The following PEX2 variants were observed in gnomAD, a reference collection of about 807,000 sequenced individuals.
PEX2 encodes peroxisomal biogenesis factor 2.
PEX2 carries 19 observed loss-of-function variants against 25.2 expected under a neutral mutation model. The ratio of observed to expected loss-of-function variants is 0.75; its 90% CI spans 0.53 to 1.10. The LOEUF (loss-of-function observed/expected upper bound fraction) is 1.10. Among genes scored for constraint, PEX2 ranks in the 50% least tolerant of loss-of-function variants. The probability of loss-of-function intolerance (pLI) is 0.00; values close to 1 mark genes in which losing one functional copy is unlikely to be tolerated. For synonymous variants in PEX2, 141 were observed against 127.7 expected (o/e 1.10, Z -0.70); for missense variants, 347 against 350.6 (o/e 0.99, Z 0.08).
upstream of PEX2, chr8:77,000,121 A>C: frequency 2.8e-6 from 1 of 355,674 alleles, no homozygotes; most frequent in Non-Finnish European, 5.5e-6. Flanking sequence ...GCGACGCAGG[A>C]GCCGGAAGTG....
chr8:76,989,804 T>A (rs1464891368), intron 1 of PEX2, among the ~76,000 whole-genome samples: 1 of 152,110 alleles, frequency 6.6e-6, no homozygotes, highest in Non-Finnish European at 1.5e-5. Flanking sequence ...ACAGGCAGAG[T>A]AGTTCTAGCA....
At chr8:76,989,645 T>C (rs560259936) in intron 1 of PEX2, among the ~76,000 whole-genome samples, 22 of 152,358 alleles carry the variant, frequency 1.4e-4, no homozygotes, top group Admixed American at 1.1e-3. Context: ...GTCAGAGCTC[T>C]TGGGTGACTA....
At position 76,981,404 on chromosome 8, in the gene PEX2, G is replaced by A. The variant is rs192435069; in HGVS notation, c.*1857C>T. The A allele has an allele frequency of 2.6e-5, 4 of 152,310 alleles. No homozygotes were observed. Among genetic ancestry groups the A allele is most frequent in the East Asian group, 1.9e-4 (1 of 5,172 alleles). 9.4% of individuals were successfully genotyped at this position (152,310 alleles called of 1,614,324 possible). A position where few individuals can be genotyped will look rare whatever the true frequency, so the allele number is the denominator to read the frequency against. On this transcript the variant is annotated 3_prime_UTR_variant, in exon 4 of 4. Coordinates refer to ENST00000357039, the MANE Select transcript of PEX2 (RefSeq NM_000318.3). ...TTGAGCCCTGGGAGGGAAAGGCTGC[G>A]GTTAGCCATGATCACACCACTGCAC...
intron 1 of PEX2, among the ~76,000 whole-genome samples, chr8:76,989,143 T>A (rs1403231130): frequency 2.0e-5 from 3 of 151,918 alleles, no homozygotes. Flanking sequence ...TGTGCTGTTG[T>A]TCACCAGCCT....
chr8:76,983,013 C>T lies in PEX2; in HGVS notation c.*248G>A, dbSNP rs531490407. 10 of 1,045,548 alleles carry T rather than the reference C, an allele frequency of 9.6e-6. No individual in the cohort carries two copies. Among genetic ancestry groups the T allele is most frequent in the East Asian group, 9.4e-5 (3 of 32,002 alleles). The allele number at this position is 1,045,548 out of a possible 1,614,324, so 64.8% of individuals were successfully genotyped here. Reference sequence around the variant, plus strand: ...ATTGTTAGTAGTCACCTGACAAAAGCTGTCCATTATTCTTGACATTAAAAA... The same window carrying T: ...ATTGTTAGTAGTCACCTGACAAAAGTTGTCCATTATTCTTGACATTAAAAA... On this transcript the variant is annotated 3_prime_UTR_variant, in exon 4 of 4. Coordinates refer to ENST00000357039, the MANE Select transcript of PEX2 (RefSeq NM_000318.3).
At chr8:76,984,266 T>A in intron 3 of PEX2, 71 bp from the exon 4 acceptor site, 2 of 1,252,380 alleles carry the variant, frequency 1.6e-6, no homozygotes, top group Non-Finnish European at 2.3e-6. Flanking sequence ...AACTTATGCC[T>A]GGAAACTGTC....
rs148972539 is a variant in PEX2 at position 76,983,713 on chromosome 8, T to C, written c.466A>G (p.Ile156Val). The C allele has an allele frequency of 4.2e-5, 68 of 1,613,826 alleles. No homozygotes were observed. Among genetic ancestry groups the C allele is most frequent in the Middle Eastern group, 1.6e-4 (1 of 6,084 alleles). The change falls in exon 4 of 4, where the codon ATT becomes GTT. Residue 156 changes from isoleucine (I) to valine (V), a missense_variant. Ile to Val is a conservative substitution (Grantham distance 29, BLOSUM62 3). Transcript: ENST00000357039. ...LKLGGLINFL[I>V]FLQRGKFATL... ...GCAAACTTTCCCCTCTGAAGGAAAA[T>C]CAAAAAATTAATCAGCCCACCTAAT... is the stretch of plus-strand genomic sequence containing the variant.
At chr8:76,984,456 CAACAA>C (rs1316198229) in intron 3 of PEX2, among the ~76,000 whole-genome samples, 2 of 151,850 alleles carry the variant, frequency 1.3e-5, no homozygotes, top group Non-Finnish European at 2.9e-5. Context: ...AAAGAAATAA[CAACAA>C]AACAAAACAA....
At position 76,983,158 on chromosome 8, in the gene PEX2, G is replaced by C. The variant is rs529963492; in HGVS notation, c.*103C>G. The C allele has an allele frequency of 1.1e-3, 1,772 of 1,590,512 alleles. 30 individuals are homozygous for C. In the South Asian group the frequency reaches 0.018, roughly 16 times the overall value. On this transcript the variant is annotated 3_prime_UTR_variant, in exon 4 of 4. Transcript: ENST00000357039. ...GGAAAGGAGAAGACAGTGGCTAGGAGCACATTCCTTATAAAGGATACATAA... is the reference window on the plus strand; with the variant it reads ...GGAAAGGAGAAGACAGTGGCTAGGACCACATTCCTTATAAAGGATACATAA...
intron 1 of PEX2, among the ~76,000 whole-genome samples, chr8:76,989,933 C>T (rs147821889): frequency 1.2e-3 from 178 of 152,314 alleles, no homozygotes; most frequent in Middle Eastern, 3.4e-3. Flanking sequence ...AGCTCTGAAG[C>T]CACATATTGG....
chr8:76,992,107 G>T (rs1384843668), intron 1 of PEX2, among the ~76,000 whole-genome samples: 1 of 152,076 alleles, frequency 6.6e-6, no homozygotes, highest in African/African-American at 2.4e-5. Context: ...ACGTGGGAGG[G>T]GCCAGGCAGG....
intron 1 of PEX2, among the ~76,000 whole-genome samples, chr8:76,995,803 G>T (rs757443272): frequency 6.6e-6 from 1 of 152,142 alleles, no homozygotes; most frequent in Non-Finnish European, 1.5e-5. Context: ...GAGTATTGGG[G>T]AAAGCAGAGT....
At chr8:76,994,904 CCTA>C (rs1322332811) in intron 1 of PEX2, among the ~76,000 whole-genome samples, 2 of 152,116 alleles carry the variant, frequency 1.3e-5, no homozygotes, top group African/African-American at 4.8e-5. Flanking sequence ...GAACCTATAA[CCTA>C]CTATTTTATT....
chr8:76,983,201 A>C lies in PEX2; in HGVS notation c.*60T>G. 1 of 1,600,994 alleles carries C rather than the reference A, an allele frequency of 6.2e-7. No homozygotes were observed. Among genetic ancestry groups the C allele is most frequent in the Non-Finnish European group, 8.5e-7 (1 of 1,179,652 alleles). On this transcript the variant is annotated 3_prime_UTR_variant, in exon 4 of 4. Coordinates refer to ENST00000357039, the MANE Select transcript of PEX2 (RefSeq NM_000318.3). ...ATACATAAATGGTATACTTAGGATG[A>C]CTAATATTAAGAATTTAAACACGGT... is the stretch of plus-strand genomic sequence containing the variant.
At chr8:76,989,296 T>C (rs578197518) in intron 1 of PEX2, among the ~76,000 whole-genome samples, 6 of 152,190 alleles carry the variant, frequency 3.9e-5, no homozygotes, top group Non-Finnish European at 7.3e-5. Context: ...ACTATTTCTA[T>C]CACATCTGTA....
At chr8:76,998,591 G>A (rs76173815) in intron 1 of PEX2, among the ~76,000 whole-genome samples, 1 of 152,156 alleles carries the variant, frequency 6.6e-6, no homozygotes, top group African/African-American at 2.4e-5. Flanking sequence ...CCAAAAACCA[G>A]AATTTTAATG....
chr8:76,984,522 G>C (rs1230722206), intron 3 of PEX2, among the ~76,000 whole-genome samples: 2 of 152,090 alleles, frequency 1.3e-5, no homozygotes, highest in Non-Finnish European at 1.5e-5. Context: ...TCTTTGGTCA[G>C]ATATTCTAGC....
rs745356886 is a variant in PEX2, at chr8:76,983,742, A to G, written c.437T>C (p.Leu146Ser). 2.7e-5 allele frequency: 44 copies of G among 1,613,940 alleles called. No individual in the cohort carries two copies. Among genetic ancestry groups the G allele is most frequent in the Non-Finnish European group, 3.6e-5 (42 of 1,180,038 alleles). Residue 146 changes from leucine to serine, a missense_variant, in exon 4 of 4, where the codon TTG becomes TCG. Coordinates refer to ENST00000357039, the MANE Select transcript of PEX2 (RefSeq NM_000318.3). ...KQCVNFVIGL[L>S]KLGGLINFLI... ...AAAATTAATCAGCCCACCTAATTTC[A>G]AAAGTCCAATCACAAAATTCACACA...
rs753445503 is a variant in PEX2 at position 76,982,810 on chromosome 8, GA to G, written c.*450del. The G allele has an allele frequency of 0.027, 4,073 of 150,706 alleles. No individual in the cohort carries two copies. Among genetic ancestry groups the G allele is most frequent in the South Asian group, 0.071 (488 of 6,884 alleles). 9.3% of individuals were successfully genotyped at this position (150,706 alleles called of 1,614,324 possible). A position where few individuals can be genotyped will look rare whatever the true frequency, so the allele number is the denominator to read the frequency against. On this transcript the variant is annotated 3_prime_UTR_variant, in exon 4 of 4. Transcript: ENST00000357039. ...GGTGACAGAGCAGGACACCGTCTCA[GA>G]AAAAAAAAAAAAAGTTACAACTGAG...
Sources: gnomAD v4.1 joint callset for allele counts (sites outside exome capture counted in the v4.1 genomes callset) on GRCh38, gnomAD v4.1.1 for gene constraint, MANE v1.5 for transcripts, NCBI Gene and HGNC (gene_info 2026-07-23, HGNC 2026-07-21) for gene names.